The following ARPP21 variants were observed in gnomAD, a reference collection of about 807,000 sequenced individuals.
ARPP21 encodes the protein cAMP-regulated phosphoprotein 21.
Under a neutral mutation model 113.2 loss-of-function variants are expected in ARPP21, and 69 were observed. That is an observed-to-expected ratio of 0.61 (90% CI 0.50 to 0.74). ARPP21 has a LOEUF of 0.74. Among genes scored for constraint, ARPP21 ranks in the 30% least tolerant of loss-of-function variants. The probability of loss-of-function intolerance (pLI) is 0.00; values close to 1 mark genes in which losing one functional copy is unlikely to be tolerated. For synonymous variants in ARPP21, 368 were observed against 375.5 expected, an observed-to-expected ratio of 0.98 and a Z score of 0.23; for missense variants, 1,070 against 1,037.4, an observed-to-expected ratio of 1.03 and a Z score of -0.43.
At chr3:35,729,587 C>A in intron 15 of ARPP21, 51 bp downstream of exon 15, 1 of 1,468,768 alleles carries the variant, frequency 6.8e-7, no homozygotes, top group Non-Finnish European at 9.5e-7. Context: ...GATGTTTGTT[C>A]TTATGTTTGA....
At chr3:35,702,573 C>G (rs1025569619) in intron 9 of ARPP21, among the ~76,000 whole-genome samples, 6 of 151,622 alleles carry the variant, frequency 4.0e-5, no homozygotes, top group Non-Finnish European at 7.4e-5. Context: ...AAAGGAGAGT[C>G]AAAGAGTTGG....
At chr3:35,783,765 C>T (rs1165292015) in intron 19 of ARPP21, among the ~76,000 whole-genome samples, 1 of 152,140 alleles carries the variant, frequency 6.6e-6, no homozygotes, top group Non-Finnish European at 1.5e-5. Flanking sequence ...AGGATTTGAG[C>T]CTAGCTCCAT....
intron 1 of ARPP21, among the ~76,000 whole-genome samples, chr3:35,677,299 C>G (rs999787748): frequency 2.6e-5 from 4 of 151,842 alleles, no homozygotes; most frequent in African/African-American, 9.7e-5. Flanking sequence ...GACACACACA[C>G]ATACACTTAG....
At chr3:35,732,117 G>A (rs974676770) in intron 15 of ARPP21, among the ~76,000 whole-genome samples, 7 of 152,096 alleles carry the variant, frequency 4.6e-5, no homozygotes, top group South Asian at 2.1e-4. Flanking sequence ...TTGGAATGTC[G>A]TTCATGTGCA....
intron 7 of ARPP21, among the ~76,000 whole-genome samples, 193 bp downstream of exon 7, chr3:35,689,578 G>A (rs2081621601): frequency 6.6e-6 from 1 of 151,318 alleles, no homozygotes; most frequent in African/African-American, 2.4e-5. Flanking sequence ...TTAGTAACTG[G>A]GTAGTTACCC....
chr3:35,790,948 T>G (rs1318347309), intron 19 of ARPP21, among the ~76,000 whole-genome samples: 1 of 152,202 alleles, frequency 6.6e-6, no homozygotes, highest in East Asian at 1.9e-4. Flanking sequence ...TTGCCAATTG[T>G]AGGCATAGGG....
At chr3:35,695,453 G>A (rs1295241878) in intron 9 of ARPP21, among the ~76,000 whole-genome samples, 1 of 151,490 alleles carries the variant, frequency 6.6e-6, no homozygotes, top group Non-Finnish European at 1.5e-5. Flanking sequence ...TTACACTATA[G>A]TTATAGTGGG....
At chr3:35,718,462 T>A (rs568602572) in intron 13 of ARPP21, among the ~76,000 whole-genome samples, 1 of 152,262 alleles carries the variant, frequency 6.6e-6, no homozygotes, top group Admixed American at 6.5e-5. Flanking sequence ...GTGACCTAGT[T>A]TGTTTAGGGT....
At chr3:35,699,884 A>G (rs1294515004) in intron 9 of ARPP21, among the ~76,000 whole-genome samples, 1 of 151,766 alleles carries the variant, frequency 6.6e-6, no homozygotes, top group African/African-American at 2.4e-5. Context: ...AGAAAACATC[A>G]CTTTCAGAAA....
chr3:35,749,431 C>CA (rs61007987), intron 19 of ARPP21, among the ~76,000 whole-genome samples: 23,447 of 100,714 alleles, frequency 0.23, 2,760 homozygotes, highest in African/African-American at 0.34. Flanking sequence ...TTCCTAAAAG[C>CA]AAAAAAAAAA....
intron 1 of ARPP21, among the ~76,000 whole-genome samples, chr3:35,662,900 T>C (rs1288387493): frequency 3.3e-5 from 5 of 151,990 alleles, no homozygotes; most frequent in African/African-American, 9.7e-5. Flanking sequence ...AAAAGATAGA[T>C]AACAGAGGCT....
At chr3:35,746,950 G>A (rs1443113977) in intron 19 of ARPP21, among the ~76,000 whole-genome samples, 1 of 152,150 alleles carries the variant, frequency 6.6e-6, no homozygotes, top group Non-Finnish European at 1.5e-5. Context: ...GGAGACATAA[G>A]TTCTTTATCC....
intron 4 of ARPP21, among the ~76,000 whole-genome samples, 175 bp from the exon 5 acceptor site, chr3:35,683,551 G>T (rs1227721422): frequency 6.6e-6 from 1 of 151,646 alleles, no homozygotes; most frequent in Non-Finnish European, 1.5e-5. Context: ...CATCAATACA[G>T]AGGTATGATG....
intron 2 of ARPP21, among the ~76,000 whole-genome samples, 185 bp downstream of exon 2, chr3:35,680,145 T>C (rs1008502351): frequency 2.0e-5 from 3 of 151,886 alleles, no homozygotes; most frequent in Non-Finnish European, 2.9e-5. Context: ...AATCTGGTCA[T>C]GTTCTGTTTT....
chr3:35,685,422 A>G (rs2080259290), intron 5 of ARPP21: 3 of 984,922 alleles, frequency 3.0e-6, no homozygotes, highest in South Asian at 9.4e-5. Flanking sequence ...AGACACACAT[A>G]TAAGCAAGTG....
intron 19 of ARPP21, among the ~76,000 whole-genome samples, chr3:35,784,700 G>T (rs555336807): frequency 6.6e-6 from 1 of 152,020 alleles, no homozygotes; most frequent in Non-Finnish European, 1.5e-5. Flanking sequence ...CCTACCACTA[G>T]AACAATCTTT....
intron 9 of ARPP21, among the ~76,000 whole-genome samples, chr3:35,701,802 G>A (rs538401910): frequency 6.6e-6 from 1 of 151,286 alleles, no homozygotes; most frequent in Admixed American, 6.6e-5. Context: ...GGCCTTAGAA[G>A]CAGGGATCAT....
intron 9 of ARPP21, among the ~76,000 whole-genome samples, chr3:35,699,320 T>A (rs2085337587): frequency 6.6e-6 from 1 of 151,624 alleles, no homozygotes; most frequent in Non-Finnish European, 1.5e-5. Context: ...GCCCAGTACC[T>A]GAGGGTTTCC....
At chr3:35,683,292 ACTT>A (rs1267823993) in intron 4 of ARPP21, among the ~76,000 whole-genome samples, 3 of 151,582 alleles carry the variant, frequency 2.0e-5, no homozygotes, top group Admixed American at 6.6e-5. Flanking sequence ...TATTCTCACT[ACTT>A]GATTTCTGCC....
Sources: allele counts gnomAD v4.1 joint callset (sites outside exome capture counted in the v4.1 genomes callset), GRCh38; gene constraint gnomAD v4.1.1; transcripts MANE v1.5; gene names NCBI Gene and HGNC (gene_info 2026-07-23, HGNC 2026-07-21).